NFIX: variants seen among roughly 807,000 people sequenced by gnomAD.
The protein encoded by NFIX is nuclear factor I X, also known as nuclear factor 1 X-type.
Under a neutral mutation model 53.3 loss-of-function variants are expected in NFIX, and 2 were observed. The observed-to-expected ratio is 0.04, with a 90% CI of 0.02 to 0.12. The LOEUF (loss-of-function observed/expected upper bound fraction) is 0.12, where lower values mean the gene tolerates loss of function less well. Ranked by LOEUF, NFIX falls within the 10% of genes least tolerant of loss-of-function variation. NFIX has a pLI of 1.00. For synonymous variants in NFIX, 244 were observed against 289.0 expected (o/e 0.84, Z 1.58); for missense variants, 310 against 674.5 (o/e 0.46, Z 5.99).
chr19:13,023,064 C>CGCTCTT (rs1410217057), intron 1 of NFIX, among the ~76,000 whole-genome samples: 1 of 99,220 alleles, frequency 1.0e-5, no homozygotes, highest in Non-Finnish European at 2.2e-5. Flanking sequence ...GGATCCTTCT[C>CGCTCTT]TCTCTTTCTC....
rs2014310322 is a variant in NFIX, at chr19:13,037,764, G to C, written c.559+12212G>C. Among the ~76,000 whole-genome samples the C allele has an allele frequency of 6.6e-6, 1 of 152,154 alleles. No individual in the cohort carries two copies. On this transcript the variant is annotated intron_variant, in intron 2 of 10. Coordinates refer to ENST00000592199, the MANE Select transcript of NFIX (RefSeq NM_001365902.3). This position sits in a 1 kb window ranked among gnomAD's most constrained non-coding sequence, Gnocchi z 4.2. ...CAACCAAGGGCAATTTTGTCCCGCA[G>C]GGAACATTTGGCAATGTCTGTGAAC...
At position 13,028,375 on chromosome 19, in the gene NFIX, G is replaced by A. The variant is rs1186398586; in HGVS notation, c.559+2823G>A. Among the ~76,000 whole-genome samples the A allele has an allele frequency of 6.6e-6, 1 of 152,160 alleles. No individual in the cohort carries two copies. Among genetic ancestry groups the A allele is most frequent in the Non-Finnish European group, 1.5e-5 (1 of 68,022 alleles). ...GAGCCAGATCTGGGCTGAGCTGGGG[G>A]TCCTGGGTTTCATGACAGTAACGGT... On this transcript the variant is annotated intron_variant, in intron 2 of 10. Transcript: ENST00000592199. This position sits in a 1 kb window ranked among gnomAD's most constrained non-coding sequence, Gnocchi z 4.2.
At chr19:13,019,893 A>G (rs1222665930) in intron 1 of NFIX, among the ~76,000 whole-genome samples, 1 of 151,302 alleles carries the variant, frequency 6.6e-6, no homozygotes, top group Non-Finnish European at 1.5e-5. Context: ...TGGGGGAAAT[A>G]CCTTTCCCCC....
Position 13,081,845 on chromosome 19 carries a change from C to T in NFIX, c.1244C>T (p.Ala415Val), listed in dbSNP as rs2017489976. Residue 415 changes from alanine (A) to valine (V), a missense_variant, in exon 8 of 11, where the codon GCC becomes GTC. Coordinates refer to ENST00000592199, the MANE Select transcript of NFIX (RefSeq NM_001365902.3). This position sits in a 1 kb window ranked among gnomAD's most constrained non-coding sequence, Gnocchi z 4.7. ...QFVCSDGSGQ[A>V]TGQPNGSGQG... ...GTGTGCTCGGATGGCTCGGGCCAGG[C>T]CACCGGACAGGTGAGTCCAGAGGGC... 6.2e-7 allele frequency: 1 copy of T among 1,613,914 alleles called. No homozygotes were observed. Among genetic ancestry groups the T allele is most frequent in the East Asian group, 2.2e-5 (1 of 44,890 alleles).
chr19:13,010,998 A>G (rs1383413078), intron 1 of NFIX, among the ~76,000 whole-genome samples: 1 of 152,092 alleles, frequency 6.6e-6, no homozygotes, highest in Non-Finnish European at 1.5e-5. Flanking sequence ...CTTTATATAT[A>G]CTTTTTATAT....
In NFIX at chr19:13,090,872, G is replaced by A. The variant is rs940757914; in HGVS notation, c.1494+482G>A. Among the ~76,000 whole-genome samples the A allele has an allele frequency of 3.3e-5, 5 of 152,202 alleles. No homozygotes were observed. Among genetic ancestry groups the A allele is most frequent in the African/African-American group, 1.2e-4 (5 of 41,448 alleles). ...GCCCAGAACTGGCACTGAGGGCAGG[G>A]CAGGGCAGGCCGCCACCCTAGAGGC... On this transcript the variant is annotated intron_variant, in intron 10 of 10. Transcript: ENST00000592199. The surrounding 1 kb of genome is among the most constrained non-coding windows in gnomAD (Gnocchi z 6.6).
chr19:13,005,614 G>C lies in NFIX; in HGVS notation c.27+9750G>C, dbSNP rs2011969836. ...GGATGAAAAACCAAGACTCAGTAGA[G>C]GTATCCAGTGCTAGGGTCAAGGGCG... is the stretch of plus-strand genomic sequence containing the variant. On this transcript the variant is annotated intron_variant, in intron 1 of 10. Coordinates refer to ENST00000592199, the MANE Select transcript of NFIX (RefSeq NM_001365902.3). This position sits in a 1 kb window ranked among gnomAD's most constrained non-coding sequence, Gnocchi z 4.7. Among the ~76,000 whole-genome samples the C allele has an allele frequency of 6.6e-6, 1 of 152,172 alleles. No homozygotes were observed. Among genetic ancestry groups the C allele is most frequent in the East Asian group, 1.9e-4 (1 of 5,204 alleles).
intron 1 of NFIX, among the ~76,000 whole-genome samples, chr19:13,000,560 G>C (rs1548546): frequency 3.4e-5 from 5 of 148,260 alleles, no homozygotes; most frequent in African/African-American, 1.3e-4. Context: ...GGGGGAGAGT[G>C]GGGGGCAGGA....
At position 12,999,177 on chromosome 19, in the gene NFIX, ATT is replaced by A. The variant is rs370783768; in HGVS notation, c.27+3326_27+3327del. ...GTACACAAATAACTTTTCTTTTTCT[ATT>A]TTTTTTTTTTTTGAGACGGAGCCTT... On this transcript the variant is annotated intron_variant, in intron 1 of 10. Transcript: ENST00000592199. 5.7e-5 allele frequency among the ~76,000 whole-genome samples: 8 copies of A among 140,512 alleles called. No individual in the cohort carries two copies. The East Asian group carries it at 8.1e-4, about 14-fold the overall frequency. The allele number at this position is 140,512 out of a possible 152,430, so 92.2% of individuals were successfully genotyped here.
In NFIX at chr19:13,094,766, A is replaced by AT. The variant is rs2018338775; in HGVS notation, c.*119dup. 8.8e-7 allele frequency: 1 copy of AT among 1,131,286 alleles called. No homozygotes were observed. Among genetic ancestry groups the AT allele is most frequent in the Non-Finnish European group, 1.3e-6 (1 of 790,096 alleles). 70.1% of individuals were successfully genotyped at this position (1,131,286 alleles called of 1,614,324 possible). On this transcript the variant is annotated 3_prime_UTR_variant, in exon 11 of 11. Coordinates refer to ENST00000592199, the MANE Select transcript of NFIX (RefSeq NM_001365902.3). The surrounding 1 kb of genome is among the most constrained non-coding windows in gnomAD (Gnocchi z 4.3). The stretch of plus-strand genomic sequence containing the variant: ...AGCCCAGCCCCACCGAAAAGCAAAA[A>AT]TTACACGTCGTCAGCCACTCAGCCC...
chr19:13,007,446 T>C (rs1366251349), intron 1 of NFIX, among the ~76,000 whole-genome samples: 2 of 152,210 alleles, frequency 1.3e-5, no homozygotes. Context: ...CCATTTCTGA[T>C]TGCCCTGCAC....
intron 2 of NFIX, among the ~76,000 whole-genome samples, chr19:13,032,323 G>C (rs1481240187): frequency 6.6e-6 from 1 of 152,154 alleles, no homozygotes; most frequent in African/African-American, 2.4e-5. Flanking sequence ...AGGAGGAGGT[G>C]TAGGGGTTTA....
At chr19:13,024,410 G>A (rs534417942) in intron 1 of NFIX, 9 of 915,512 alleles carry the variant, frequency 9.8e-6, no homozygotes, top group Admixed American at 1.2e-4. Context: ...ACTGGATCAG[G>A]AGAAAAGAAA....
intron 2 of NFIX, among the ~76,000 whole-genome samples, chr19:13,065,706 C>T (rs1410624946): frequency 2.0e-5 from 3 of 152,154 alleles, no homozygotes; most frequent in Non-Finnish European, 2.9e-5. Flanking sequence ...GGAAGAGCAA[C>T]TGAGCATTCA....
In NFIX at chr19:13,025,074, C is replaced by T; in HGVS notation, c.81C>T (p.Ser27=). Residue 27 remains serine, a synonymous_variant, in exon 2 of 11, where the codon TCC becomes TCT. Coordinates refer to ENST00000592199, the MANE Select transcript of NFIX (RefSeq NM_001365902.3). The surrounding 1 kb of genome is among the most constrained non-coding windows in gnomAD (Gnocchi z 7.5). ...EALLPHVRAF[S]YTWFNLQARK... The stretch of plus-strand genomic sequence containing the variant: ...TGCTGCCTCACGTCCGCGCTTTCTC[C>T]TACACCTGGTTCAACCTGCAGGCGC... The T allele has an allele frequency of 1.9e-6, 3 of 1,614,182 alleles. No homozygotes were observed. Among genetic ancestry groups the T allele is most frequent in the Non-Finnish European group, 2.5e-6 (3 of 1,180,016 alleles).
intron 2 of NFIX, among the ~76,000 whole-genome samples, chr19:13,059,720 C>T (rs2015934634): frequency 7.1e-6 from 1 of 141,286 alleles, no homozygotes. Context: ...ATGGGGTGTG[C>T]TGCAGGGCAA....
At position 13,075,710 on chromosome 19, in the gene NFIX, C is replaced by T. The variant is rs66502314; in HGVS notation, c.955+39C>T. 104,636 of 1,597,242 alleles carry T rather than the reference C, an allele frequency of 0.066. 4,248 individuals are homozygous for T. The highest frequency in any genetic ancestry group is 0.076 in the Non-Finnish European group (89,207 of 1,169,186). ...GGATCCTGACCCAGAGCAAGGGCAG[C>T]CCAGAGTCTTTTTGTCCCCTTCTCA... On this transcript the variant is annotated intron_variant, in intron 6 of 10. Coordinates refer to ENST00000592199, the MANE Select transcript of NFIX (RefSeq NM_001365902.3).
At position 13,021,932 on chromosome 19, in the gene NFIX, TC is replaced by T. The variant is rs1316928021; in HGVS notation, c.28-3088del. Reference sequence around the variant, plus strand: ...TTGTTGTGTCCTTTCTTAGCTCTTTTCTTTTCATTTGGGTTTCTCATTTTAT... The same window carrying T: ...TTGTTGTGTCCTTTCTTAGCTCTTTTTTTTCATTTGGGTTTCTCATTTTAT... On this transcript the variant is annotated intron_variant, in intron 1 of 10. Transcript: ENST00000592199. This position sits in a 1 kb window ranked among gnomAD's most constrained non-coding sequence, Gnocchi z 4.2. Among the ~76,000 whole-genome samples, 1 of 152,190 alleles carries T rather than the reference TC, an allele frequency of 6.6e-6. No individual in the cohort carries two copies. The highest frequency in any genetic ancestry group is 1.5e-5 in the Non-Finnish European group (1 of 68,032).
rs2016900273 is a variant in NFIX at position 13,073,644 on chromosome 19, G to T, written c.697+148G>T. On this transcript the variant is annotated intron_variant, in intron 4 of 10. Coordinates refer to ENST00000592199, the MANE Select transcript of NFIX (RefSeq NM_001365902.3). This position sits in a 1 kb window ranked among gnomAD's most constrained non-coding sequence, Gnocchi z 4.5. ...CTCTCGGCTTCACTGGTGCTGGGCT[G>T]GGTACAATAGAGTCTTCCAGAGAGG... The T allele has an allele frequency of 1.2e-6, 1 of 810,328 alleles. No individual in the cohort carries two copies. The highest frequency in any genetic ancestry group is 2.6e-5 in the East Asian group (1 of 38,546). The allele number at this position is 810,328 out of a possible 1,614,324, so 50.2% of individuals were successfully genotyped here. A position where few individuals can be genotyped will look rare whatever the true frequency, so the allele number is the denominator to read the frequency against.
Sources: allele counts gnomAD v4.1 joint callset (sites outside exome capture counted in the v4.1 genomes callset), GRCh38; gene constraint gnomAD v4.1.1; non-coding constraint Gnocchi (gnomAD v3.1); transcripts MANE v1.5; gene names NCBI Gene and HGNC (gene_info 2026-07-23, HGNC 2026-07-21).